Variants in AMZ1 observed in about 807,000 individuals in gnomAD.
AMZ1 encodes the protein archaelysin family metallopeptidase 1.
AMZ1 carries 39 observed loss-of-function variants against 29.9 expected under a neutral mutation model. The ratio of observed to expected loss-of-function variants is 1.30; its 90% CI spans 1.01 to 1.70. The LOEUF (loss-of-function observed/expected upper bound fraction) is 1.70, where lower values mean the gene tolerates loss of function less well. Ranked by LOEUF, AMZ1 falls within the 40% of genes most tolerant of loss-of-function variation. AMZ1 has a pLI of 0.00. For synonymous variants in AMZ1, 458 were observed against 304.0 expected (o/e 1.51, Z -5.27); for missense variants, 1,041 against 680.6 (o/e 1.53, Z -5.89).
In AMZ1 at chr7:2,710,006, AG is replaced by A. The variant is rs1788664466; in HGVS notation, c.948+191del. Among the ~76,000 whole-genome samples, 8 of 152,300 alleles carry A rather than the reference AG, an allele frequency of 5.3e-5. No homozygotes were observed. The South Asian group carries it at 1.7e-3, about 32-fold the overall frequency. On this transcript the variant is annotated intron_variant, in intron 6 of 6. Coordinates refer to ENST00000683327, the MANE Select transcript of AMZ1 (RefSeq NM_001384743.1). ...TCCGGATCTCACTGGCAGTAGATCG[AG>A]TCCTGCCAGGGCCCGCGTGTGGTGG... is the stretch of plus-strand genomic sequence containing the variant.
At chr7:2,722,741 G>C (rs1272022372), downstream of AMZ1, among the ~76,000 whole-genome samples, 2 of 152,212 alleles carry the variant, frequency 1.3e-5, no homozygotes, top group Non-Finnish European at 2.9e-5. Context: ...GGAAGGCTGA[G>C]GTGGGAGGAT....
chr7:2,744,415 G>A (rs1385924216), intron 4 of AMZ1, among the ~76,000 whole-genome samples: 1 of 152,194 alleles, frequency 6.6e-6, no homozygotes, highest in South Asian at 2.1e-4. Context: ...ACAGGGTCTG[G>A]AGTGGACCTC....
intron 3 of AMZ1, among the ~76,000 whole-genome samples, chr7:2,703,696 G>A (rs1292761612): frequency 6.6e-6 from 1 of 152,152 alleles, no homozygotes; most frequent in African/African-American, 2.4e-5. Context: ...CATCAGTTCT[G>A]GGATACTCTC....
At chr7:2,709,593 G>A (rs953231430) in intron 5 of AMZ1, 47 bp from the exon 6 acceptor site, 1 of 1,579,644 alleles carries the variant, frequency 6.3e-7, no homozygotes, top group Non-Finnish European at 8.6e-7. Context: ...TCTGCCGGAT[G>A]CAGGGGCAAG....
At chr7:2,744,576 G>A (rs933537813) in intron 4 of AMZ1, among the ~76,000 whole-genome samples, 1 of 152,146 alleles carries the variant, frequency 6.6e-6, no homozygotes, top group Non-Finnish European at 1.5e-5. Context: ...GGAAAAAACA[G>A]AGCAGAAAAA....
At position 2,705,700 on chromosome 7, in the gene AMZ1, G is replaced by A. The variant is rs75818087; in HGVS notation, c.472+2811G>A. Among the ~76,000 whole-genome samples, 1,228 of 152,292 alleles carry A rather than the reference G, an allele frequency of 8.1e-3. 16 individuals carry two copies. Among genetic ancestry groups the A allele is most frequent in the African/African-American group, 0.028 (1,178 of 41,544 alleles). ...ATAGGGGTCCCCTGGCTGGGGTGGGGTGCCATCCCCTGGGTGGCATGTTTC... is the reference window on the plus strand; with the variant it reads ...ATAGGGGTCCCCTGGCTGGGGTGGGATGCCATCCCCTGGGTGGCATGTTTC... On this transcript the variant is annotated intron_variant, in intron 3 of 6. Transcript: ENST00000683327.
In AMZ1 at chr7:2,718,207, C is replaced by T. The variant is rs569320064; in HGVS notation, c.*5329C>T. Reference sequence around the variant, plus strand: ...GGAAACTGAGCCCGGCATGGAGTCACGTGGCTCCACCCTGGGGCTCCTCTG... The same window carrying T: ...GGAAACTGAGCCCGGCATGGAGTCATGTGGCTCCACCCTGGGGCTCCTCTG... On this transcript the variant is annotated 3_prime_UTR_variant, in exon 7 of 7. Coordinates refer to ENST00000683327, the MANE Select transcript of AMZ1 (RefSeq NM_001384743.1). Among the ~76,000 whole-genome samples, 2 of 152,236 alleles carry T rather than the reference C, an allele frequency of 1.3e-5. No individual in the cohort carries two copies. Among genetic ancestry groups the T allele is most frequent in the Non-Finnish European group, 2.9e-5 (2 of 68,044 alleles).
intron 3 of AMZ1, among the ~76,000 whole-genome samples, chr7:2,705,904 C>G (rs557914005): frequency 4.1e-4 from 63 of 152,370 alleles, no homozygotes; most frequent in African/African-American, 1.5e-3. Flanking sequence ...TCACCTCCCC[C>G]ACGCCGTACA....
chr7:2,753,803 G>T (rs1791151694), intron 4 of AMZ1, among the ~76,000 whole-genome samples: 1 of 151,824 alleles, frequency 6.6e-6, no homozygotes, highest in Admixed American at 6.6e-5. Context: ...ATAAGTTTTT[G>T]TTTCTTCAGT....
intron 4 of AMZ1, among the ~76,000 whole-genome samples, chr7:2,737,476 A>C (rs1284940763): frequency 6.6e-6 from 1 of 151,530 alleles, no homozygotes; most frequent in Non-Finnish European, 1.5e-5. Flanking sequence ...TTTAGTAGAG[A>C]CGGGGTTTCA....
At position 2,702,779 on chromosome 7, in the gene AMZ1, A is replaced by T. The variant is rs1400063112; in HGVS notation, c.362A>T (p.Glu121Val). 1.3e-6 allele frequency: 2 copies of T among 1,544,404 alleles called. No homozygotes were observed. Among genetic ancestry groups the T allele is most frequent in the Admixed American group, 2.0e-5 (1 of 51,278 alleles). Residue 121 changes from glutamate to valine, a missense_variant, in exon 3 of 7, where the codon GAG (glutamate) becomes GTG (valine). Physicochemically the swap from Glu to Val is moderately radical, Grantham distance 121. Transcript: ENST00000683327. ...SLLHQLCSCT[E>V]AFFLGLRVKC... is the part of the protein sequence containing the mutation. ...CTGCACCAGCTGTGCAGCTGCACAG[A>T]GGCCTTCTTCCTGGGCCTGCGCGTC...
rs1320754350 is a variant in AMZ1, at chr7:2,700,476, G to C, written c.25G>C (p.Glu9Gln). 2 of 1,602,750 alleles carry C rather than the reference G, an allele frequency of 1.2e-6. No individual in the cohort carries two copies. The highest frequency in any genetic ancestry group is 1.7e-5 in the Admixed American group (1 of 60,010). MLQCRPAQ[E>Q]FSFGPRALKD... The stretch of plus-strand genomic sequence containing the variant: ...CATGCTGCAGTGTAGACCCGCACAG[G>C]AGTTCAGCTTCGGGCCCCGGGCCTT... The change falls in exon 2 of 7, where the codon GAG becomes CAG. Residue 9 changes from glutamate (E) to glutamine (Q), a missense_variant. By Grantham distance (29) the Glu-to-Gln change is conservative (BLOSUM62 2). Coordinates refer to ENST00000683327, the MANE Select transcript of AMZ1 (RefSeq NM_001384743.1).
chr7:2,710,574 T>C (rs763895532), intron 6 of AMZ1, among the ~76,000 whole-genome samples: 8 of 152,286 alleles, frequency 5.3e-5, no homozygotes, highest in Admixed American at 4.6e-4. Context: ...GGGCCCTCCT[T>C]CCTTCTGGGG....
In AMZ1 at chr7:2,717,386, TCCAG is replaced by T. The variant is rs1789190416; in HGVS notation, c.*4509_*4512del. ...CCGTCCTCTAAGCTGGCTTTGCAGC[TCCAG>T]TAAGAGTGAGAGACTCACGGGGGCC... On this transcript the variant is annotated 3_prime_UTR_variant, in exon 7 of 7. Transcript: ENST00000683327. 9.2e-5 allele frequency among the ~76,000 whole-genome samples: 14 copies of T among 152,158 alleles called. No individual in the cohort carries two copies. Among genetic ancestry groups the T allele is most frequent in the Admixed American group, 9.2e-4 (14 of 15,276 alleles).
rs2115233361 is a variant in AMZ1 at position 2,718,932 on chromosome 7, A to G, written c.*6054A>G. ...AGGGTCGCTTAACACAGGCAGGGGT[A>G]CAGGAGAGCTCCGGCCATTTATTCC... On this transcript the variant is annotated 3_prime_UTR_variant, in exon 7 of 7. Coordinates refer to ENST00000683327, the MANE Select transcript of AMZ1 (RefSeq NM_001384743.1). Among the ~76,000 whole-genome samples, 1 of 152,154 alleles carries G rather than the reference A, an allele frequency of 6.6e-6. No individual in the cohort carries two copies. Among genetic ancestry groups the G allele is most frequent in the East Asian group, 1.9e-4 (1 of 5,182 alleles).
chr7:2,695,151 G>A (rs775054008), intron 1 of AMZ1, among the ~76,000 whole-genome samples: 6 of 152,062 alleles, frequency 3.9e-5, no homozygotes, highest in South Asian at 2.1e-4. Flanking sequence ...TGCCCACTAC[G>A]GCCCTTTCCA....
intron 6 of AMZ1, among the ~76,000 whole-genome samples, chr7:2,710,769 TGGG>T (rs955117277): frequency 4.5e-4 from 69 of 152,222 alleles, no homozygotes; most frequent in Middle Eastern, 3.4e-3. Context: ...GCCTGTGACT[TGGG>T]GGGAACCCAG....
intron 4 of AMZ1, among the ~76,000 whole-genome samples, chr7:2,754,440 T>A (rs546752883): frequency 6.6e-6 from 1 of 152,150 alleles, no homozygotes; most frequent in African/African-American, 2.4e-5. Context: ...TGTCTTTTCA[T>A]CCTCTTACTA....
At chr7:2,683,674 G>A (rs1295812797), upstream of AMZ1, among the ~76,000 whole-genome samples, 2 of 152,002 alleles carry the variant, frequency 1.3e-5, no homozygotes, top group Non-Finnish European at 2.9e-5. Flanking sequence ...TCCTGACCTC[G>A]TGATCCGCCT....
Sources: gnomAD v4.1 joint callset for allele counts (sites outside exome capture counted in the v4.1 genomes callset) on GRCh38, gnomAD v4.1.1 for gene constraint, MANE v1.5 for transcripts, NCBI Gene and HGNC (gene_info 2026-07-23, HGNC 2026-07-21) for gene names.